NPAS3: variants seen among roughly 807,000 people sequenced by gnomAD.
The protein encoded by NPAS3 is neuronal PAS domain protein 3, also known as neuronal PAS domain-containing protein 3.
NPAS3 carries 14 observed loss-of-function variants against 73.1 expected under a neutral mutation model. The ratio of observed to expected loss-of-function variants is 0.19; its 90% confidence interval spans 0.13 to 0.30. The LOEUF is 0.30. Among genes scored for constraint, NPAS3 ranks in the 10% least tolerant of loss-of-function variants. NPAS3 has a pLI of 1.00. For synonymous variants in NPAS3, 620 were observed against 541.5 expected (o/e 1.14, Z -2.01); for missense variants, 1,096 against 1,250.0 (o/e 0.88, Z 1.86).
intron 2 of NPAS3, among the ~76,000 whole-genome samples, chr14:33,153,119 C>G (rs1435197179): frequency 6.6e-6 from 1 of 151,960 alleles, no homozygotes; most frequent in Non-Finnish European, 1.5e-5. Flanking sequence ...TCTGCAGATG[C>G]AGTTTCTGTT....
intron 4 of NPAS3, among the ~76,000 whole-genome samples, chr14:33,525,063 G>T (rs1482910838): frequency 6.6e-6 from 1 of 152,072 alleles, no homozygotes; most frequent in African/African-American, 2.4e-5. Context: ...TACATTTTTA[G>T]CAAATGACTG....
At chr14:33,634,665 T>C (rs1259669625) in intron 5 of NPAS3, among the ~76,000 whole-genome samples, 3 of 152,116 alleles carry the variant, frequency 2.0e-5, no homozygotes, top group Non-Finnish European at 4.4e-5. Context: ...GTAGTGAATT[T>C]AGTTGGGGGA....
rs563694644 is a variant in NPAS3 at position 33,789,346 on chromosome 14, C to G, written c.1154-4551C>G. On this transcript the variant is annotated intron_variant, in intron 9 of 11. Coordinates refer to ENST00000356141, the Ensembl canonical transcript of NPAS3. ...CAACAAGAGCCTCCTGGTTTTCCTT[C>G]GAGCAACAACAGCCAAAAGCAACTG... Among the ~76,000 whole-genome samples, 48 of 152,210 alleles carry G rather than the reference C, an allele frequency of 3.2e-4. No individual in the cohort carries two copies. The South Asian group carries it at 4.2e-3, about 13-fold the overall frequency.
intron 1 of NPAS3, among the ~76,000 whole-genome samples, chr14:32,990,548 C>T (rs1056509973): frequency 3.9e-5 from 6 of 152,002 alleles, no homozygotes; most frequent in Admixed American, 1.3e-4. Flanking sequence ...TGGAAGGCTA[C>T]CAGTGGGCAA....
chr14:33,118,215 A>G (rs2043127779), intron 2 of NPAS3, among the ~76,000 whole-genome samples: 1 of 152,026 alleles, frequency 6.6e-6, no homozygotes, highest in Non-Finnish European at 1.5e-5. Flanking sequence ...TAATATTGCA[A>G]TATTATCAAC....
intron 1 of NPAS3, among the ~76,000 whole-genome samples, chr14:33,020,749 G>A (rs2039563764): frequency 6.6e-6 from 1 of 151,260 alleles, no homozygotes; most frequent in Admixed American, 6.6e-5. Context: ...ACCACATCAA[G>A]TCCAACGTTT....
At chr14:33,522,810 C>T (rs563152019) in intron 4 of NPAS3, among the ~76,000 whole-genome samples, 254 of 152,190 alleles carry the variant, frequency 1.7e-3, no homozygotes, top group African/African-American at 6.0e-3. Context: ...TTTGTGCTTG[C>T]TGAGGTAAAC....
chr14:33,314,968 GCAAA>G (rs1158142069), intron 3 of NPAS3, among the ~76,000 whole-genome samples: 2 of 152,078 alleles, frequency 1.3e-5, no homozygotes, highest in Non-Finnish European at 2.9e-5. Context: ...TGTGCTTGTA[GCAAA>G]CAGTATTCAG....
chr14:33,419,599 A>G (rs969937503), intron 4 of NPAS3, among the ~76,000 whole-genome samples: 51 of 151,922 alleles, frequency 3.4e-4, no homozygotes, highest in African/African-American at 1.1e-3. Context: ...TTGTTTAGTG[A>G]CCATGAATGA....
chr14:33,304,296 G>T (rs1330472694), intron 3 of NPAS3, among the ~76,000 whole-genome samples: 1 of 152,112 alleles, frequency 6.6e-6, no homozygotes, highest in Non-Finnish European at 1.5e-5. Flanking sequence ...GTGAATTTCA[G>T]TTATCCTTTT....
chr14:33,391,062 A>C (rs969272280), intron 4 of NPAS3, among the ~76,000 whole-genome samples: 5 of 152,168 alleles, frequency 3.3e-5, no homozygotes, highest in Admixed American at 3.3e-4. Flanking sequence ...GATGTCCATC[A>C]AGGTAACAAT....
intron 1 of NPAS3, among the ~76,000 whole-genome samples, chr14:33,033,087 T>G (rs2040049577): frequency 6.6e-6 from 1 of 152,204 alleles, no homozygotes; most frequent in Admixed American, 6.5e-5. Flanking sequence ...CTCTTTATGT[T>G]GACAAAGAAA....
At chr14:33,735,150 C>T (rs1293799247) in intron 6 of NPAS3, 64 bp from the exon 7 acceptor site, 1 of 1,117,872 alleles carries the variant, frequency 8.9e-7, no homozygotes, top group South Asian at 1.3e-5. Flanking sequence ...TGCACCTGAG[C>T]TGTAGCTGTG....
intron 4 of NPAS3, among the ~76,000 whole-genome samples, chr14:33,520,863 A>T (rs963628878): frequency 6.6e-6 from 1 of 152,160 alleles, no homozygotes; most frequent in Non-Finnish European, 1.5e-5. Flanking sequence ...TGTACGCATT[A>T]ATCAATAAGC....
At chr14:33,443,456 G>A (rs2049341493) in intron 4 of NPAS3, among the ~76,000 whole-genome samples, 1 of 152,142 alleles carries the variant, frequency 6.6e-6, no homozygotes. Flanking sequence ...ACTGTCCCCA[G>A]CAGCTGAGAG....
Position 33,676,485 on chromosome 14 carries a change from G to A in NPAS3, c.733+100G>A, listed in dbSNP as rs927443352. ...TGAAGAGACTATAAATAGGTCTAAG[G>A]GTATTTAACAATTCCATGCAGCTTC... On this transcript the variant is annotated intron_variant, in intron 6 of 11. Coordinates refer to ENST00000356141, the Ensembl canonical transcript of NPAS3. The A allele has an allele frequency of 1.2e-5, 11 of 951,928 alleles. No homozygotes were observed. In the Admixed American group the frequency reaches 2.8e-4, roughly 24 times the overall value. 59.0% of individuals were successfully genotyped at this position (951,928 alleles called of 1,614,324 possible).
chr14:33,249,909 C>T (rs243292), intron 3 of NPAS3, among the ~76,000 whole-genome samples: 46,108 of 141,104 alleles, frequency 0.33, 7,483 homozygotes, highest in South Asian at 0.5. Flanking sequence ...ATCTGTCATA[C>T]ACACACACAC....
chr14:32,998,765 T>G (rs1595186588), intron 1 of NPAS3, among the ~76,000 whole-genome samples: 1 of 152,246 alleles, frequency 6.6e-6, no homozygotes, highest in East Asian at 1.9e-4. Flanking sequence ...CTACTTGGGC[T>G]GATGTTCTTC....
intron 4 of NPAS3, among the ~76,000 whole-genome samples, chr14:33,457,982 A>C (rs1459029660): frequency 6.6e-6 from 1 of 152,214 alleles, no homozygotes. Flanking sequence ...ACAGGTTCCC[A>C]AAGGCTCACT....
Sources: gnomAD v4.1 joint callset for allele counts (sites outside exome capture counted in the v4.1 genomes callset) on GRCh38, gnomAD v4.1.1 for gene constraint, MANE v1.5 for transcripts, NCBI Gene and HGNC (gene_info 2026-07-23, HGNC 2026-07-21) for gene names.